ANKRD28: variants seen among roughly 807,000 people sequenced by gnomAD.
ANKRD28 encodes ankyrin repeat domain 28, also known as serine/threonine-protein phosphatase 6 regulatory ankyrin repeat subunit A.
In ANKRD28, 44 loss-of-function variants were observed where a neutral mutation model predicts 126.5. The observed-to-expected ratio is 0.35, with a 90% confidence interval of 0.27 to 0.45. The LOEUF (loss-of-function observed/expected upper bound fraction) is 0.45, where lower values mean the gene tolerates loss of function less well. Among genes scored for constraint, ANKRD28 ranks in the 20% least tolerant of loss-of-function variants. The pLI is 1.00. For missense variants in ANKRD28, 1,110 were observed against 1,316.6 expected, an observed-to-expected ratio of 0.84 and a Z score of 2.43; for synonymous variants, 442 against 468.5, an observed-to-expected ratio of 0.94 and a Z score of 0.73.
At position 15,707,906 on chromosome 3, in the gene ANKRD28, C is replaced by G; in HGVS notation, c.1547+18G>C. On this transcript the variant is annotated intron_variant, in intron 14 of 27. Transcript: ENST00000683139. ...TATAGAAATATTGATCCTCCACTCTCACTCCTATGGTACTTACTTGCCATC... is the reference window on the plus strand; with the variant it reads ...TATAGAAATATTGATCCTCCACTCTGACTCCTATGGTACTTACTTGCCATC... 2 of 1,600,958 alleles carry G rather than the reference C, an allele frequency of 1.2e-6. No homozygotes were observed. Among genetic ancestry groups the G allele is most frequent in the South Asian group, 2.2e-5 (2 of 90,154 alleles).
At chr3:15,765,608 A>G (rs1031037882) in intron 3 of ANKRD28, among the ~76,000 whole-genome samples, 11 of 152,188 alleles carry the variant, frequency 7.2e-5, no homozygotes, top group African/African-American at 2.6e-4. Context: ...TTGGGAGGCC[A>G]AGACAGGCAG....
intron 15 of ANKRD28, among the ~76,000 whole-genome samples, chr3:15,695,862 T>C (rs773830909): frequency 1.2e-4 from 19 of 152,072 alleles, no homozygotes; most frequent in Admixed American, 1.0e-3. Flanking sequence ...ATGAGGAATA[T>C]TAATTTAAAG....
chr3:15,758,354 C>A (rs1208690256), intron 3 of ANKRD28, among the ~76,000 whole-genome samples: 1 of 152,168 alleles, frequency 6.6e-6, no homozygotes, highest in African/African-American at 2.4e-5. Flanking sequence ...ATGACATTTC[C>A]ACTTTTCCAA....
intron 2 of ANKRD28, among the ~76,000 whole-genome samples, chr3:15,769,979 AGT>A (rs1415288050): frequency 6.6e-6 from 1 of 151,974 alleles, no homozygotes; most frequent in East Asian, 1.9e-4. Context: ...AGCAAGGAAG[AGT>A]ACACTGAACA....
chr3:15,685,168 T>A, intron 21 of ANKRD28, 58 bp downstream of exon 21: 1 of 1,573,086 alleles, frequency 6.4e-7, no homozygotes, highest in East Asian at 2.2e-5. Flanking sequence ...TATAAATATG[T>A]CATTCTTTTA....
rs200759198 is a variant in ANKRD28 at position 15,838,748 on chromosome 3, C to CAA, written c.27+20627_27+20628dup. Among the ~76,000 whole-genome samples the CAA allele has an allele frequency of 7.3e-6, 1 of 136,118 alleles. No individual in the cohort carries two copies. The highest frequency in any genetic ancestry group is 1.6e-5 in the Non-Finnish European group (1 of 64,046). The allele number at this position is 136,118 out of a possible 152,430, so 89.3% of individuals were successfully genotyped here. A position where few individuals can be genotyped will look rare whatever the true frequency, so the allele number is the denominator to read the frequency against. On this transcript the variant is annotated intron_variant, in intron 1 of 27. Transcript: ENST00000399451. The surrounding 1 kb of genome is among the most constrained non-coding windows in gnomAD (Gnocchi z 4.0). ...GGGCAACAAGAACGAAACTCCGTCT[C>CAA]AAAAAAAAAAAAAAATCTTCGCAAG... is the stretch of plus-strand genomic sequence containing the variant.
chr3:15,858,850 G>A (rs1283729167), intron 1 of ANKRD28, among the ~76,000 whole-genome samples: 2 of 152,200 alleles, frequency 1.3e-5, no homozygotes, highest in East Asian at 3.8e-4. Context: ...GTCAAGAAAA[G>A]TAACAAGATG....
chr3:15,797,680 ATCTTC>A lies in ANKRD28; in HGVS notation c.-1164_-1160del. 1.0e-6 allele frequency: 1 copy of A among 985,416 alleles called. No individual in the cohort carries two copies. Among genetic ancestry groups the A allele is most frequent in the Non-Finnish European group, 1.2e-6 (1 of 829,920 alleles). 61.0% of individuals were successfully genotyped at this position (985,416 alleles called of 1,614,324 possible). On this transcript the variant is annotated 5_prime_UTR_variant, in exon 1 of 28. It adds an upstream start codon to the 5' untranslated region. Coordinates refer to ENST00000683139, the MANE Select transcript of ANKRD28 (RefSeq NM_001349278.2). ...CAGAGAAAAAAATAGCAGACTGTGC[ATCTTC>A]TTTGAGCCAACTACTTTATTCAGTC...
intron 27 of ANKRD28, among the ~76,000 whole-genome samples, chr3:15,674,062 C>T (rs2066653838): frequency 6.8e-6 from 1 of 146,082 alleles, no homozygotes; most frequent in Non-Finnish European, 1.5e-5. Context: ...GTGCTAGCTA[C>T]TTGGGAGGCT....
upstream of ANKRD28, among the ~76,000 whole-genome samples, chr3:15,801,534 C>T (rs1467583737): frequency 6.6e-6 from 1 of 152,120 alleles, no homozygotes; most frequent in Admixed American, 6.5e-5. The surrounding 1 kb of genome is among the most constrained non-coding windows in gnomAD (Gnocchi z 4.9). Flanking sequence ...TGGGTTCAAA[C>T]AATGTTATAG....
At chr3:15,677,240 C>A (rs774497857) in intron 25 of ANKRD28, among the ~76,000 whole-genome samples, 184 bp from the exon 26 acceptor site, 10 of 152,032 alleles carry the variant, frequency 6.6e-5, no homozygotes, top group African/African-American at 2.4e-4. Flanking sequence ...GAGAAGAGGA[C>A]AAAATTAAGA....
intron 1 of ANKRD28, among the ~76,000 whole-genome samples, chr3:15,828,729 A>G (rs1203180226): frequency 1.3e-5 from 2 of 152,048 alleles, no homozygotes; most frequent in African/African-American, 4.8e-5. Flanking sequence ...TTTCCTCTGT[A>G]TCCTCCACAG....
chr3:15,712,161 A>G lies in ANKRD28; in HGVS notation c.1252T>C (p.Cys418Arg), dbSNP rs1481023673. 2 of 1,581,354 alleles carry G rather than the reference A, an allele frequency of 1.3e-6. No homozygotes were observed. The highest frequency in any genetic ancestry group is 1.7e-6 in the Non-Finnish European group (2 of 1,163,082). The change falls in exon 11 of 28, where the codon TGC becomes CGC. Residue 418 changes from cysteine to arginine, a missense_variant. By Grantham distance (180) the Cys-to-Arg change is radical. Coordinates refer to ENST00000683139, the MANE Select transcript of ANKRD28 (RefSeq NM_001349278.2). ...TTACCTGAAGAAAGAAGTTTTCTGC[A>G]GCAATCTGAAAAGCCGCTTAAGGCT... ...LAALSGFSDC[C>R]RKLLSSGFDI...
chr3:15,676,059 G>C, intron 26 of ANKRD28, 70 bp from the exon 27 acceptor site: 1 of 1,297,872 alleles, frequency 7.7e-7, no homozygotes, highest in Non-Finnish European at 1.1e-6. Context: ...ACACCTGGCT[G>C]TCAAAGAGCA....
At chr3:15,716,174 G>C (rs1277317056) in intron 8 of ANKRD28, among the ~76,000 whole-genome samples, 2 of 150,462 alleles carry the variant, frequency 1.3e-5, no homozygotes, top group Non-Finnish European at 3.0e-5. Flanking sequence ...TAGAGATGGG[G>C]TTTCACCATG....
At position 15,670,226 on chromosome 3, in the gene ANKRD28, A is replaced by G. The variant is rs1165704623; in HGVS notation, c.*44T>C. 7.0e-6 allele frequency: 11 copies of G among 1,579,512 alleles called. No homozygotes were observed. The highest frequency in any genetic ancestry group is 8.6e-6 in the Non-Finnish European group (10 of 1,159,796). ...CAAAGTGCCTTTTTCCTGAAAAAGC[A>G]CAGTTTGAAGCTTTACTGTGAGAAC... On this transcript the variant is annotated 3_prime_UTR_variant, in exon 28 of 28. Transcript: ENST00000683139.
chr3:15,761,928 G>A (rs1481523708), intron 3 of ANKRD28, among the ~76,000 whole-genome samples: 2 of 152,108 alleles, frequency 1.3e-5, no homozygotes, highest in Non-Finnish European at 2.9e-5. Flanking sequence ...GCTCACAGCT[G>A]TAATCCCAGC....
chr3:15,697,451 C>T (rs1357299826), intron 14 of ANKRD28: 4 of 152,032 alleles, frequency 2.6e-5, no homozygotes, highest in Admixed American at 6.6e-5. Flanking sequence ...CCAAAAACCA[C>T]CTGTTCCCCA....
intron 3 of ANKRD28, among the ~76,000 whole-genome samples, chr3:15,762,214 C>CAA (rs778300634): frequency 0.31 from 15,995 of 51,534 alleles, 1,394 homozygotes; most frequent in East Asian, 0.65. Context: ...AAAAAAAAAA[C>CAA]AAAACAAAAA....
Sources: allele counts gnomAD v4.1 joint callset (sites outside exome capture counted in the v4.1 genomes callset), GRCh38; gene constraint gnomAD v4.1.1; non-coding constraint Gnocchi (gnomAD v3.1); transcripts MANE v1.5; gene names NCBI Gene and HGNC (gene_info 2026-07-23, HGNC 2026-07-21).